CRMP1: variants seen among roughly 807,000 people sequenced by gnomAD.
CRMP1 encodes the protein dihydropyrimidinase-related protein 1.
Under a neutral mutation model 68.3 loss-of-function variants are expected in CRMP1, and 19 were observed. The observed-to-expected ratio is 0.28, with a 90% CI of 0.19 to 0.41. The LOEUF (loss-of-function observed/expected upper bound fraction) is 0.41, where lower values mean the gene tolerates loss of function less well. Ranked by LOEUF, CRMP1 falls within the 10% of genes least tolerant of loss-of-function variation. The pLI is 1.00. For synonymous variants in CRMP1, 439 were observed against 399.6 expected (o/e 1.10, Z -1.18); for missense variants, 791 against 967.4 (o/e 0.82, Z 2.42).
rs930152443 is a variant in CRMP1, at chr4:5,843,784, T to C, written c.964-623A>G. Reference sequence around the variant, plus strand: ...AGCTGAGCGAGCACACGCTCATTAATTGGCAGCCGGCTCTCATACCTACTT... The same window carrying C: ...AGCTGAGCGAGCACACGCTCATTAACTGGCAGCCGGCTCTCATACCTACTT... On this transcript the variant is annotated intron_variant, in intron 6 of 13. Coordinates refer to ENST00000324989, the MANE Select transcript of CRMP1 (RefSeq NM_001014809.3). This position sits in a 1 kb window ranked among gnomAD's most constrained non-coding sequence, Gnocchi z 4.1. Among the ~76,000 whole-genome samples the C allele has an allele frequency of 1.3e-5, 2 of 152,098 alleles. No individual in the cohort carries two copies. The highest frequency in any genetic ancestry group is 6.6e-5 in the Admixed American group (1 of 15,266).
rs928399866 is a variant in CRMP1, at chr4:5,858,744, A to G, written c.655+2282T>C. ...ACATTGCCCATCACCCATATGAGAA[A>G]GAGCCACAGCCTCATCAGGCCATCG... On this transcript the variant is annotated intron_variant, in intron 3 of 13. Coordinates refer to ENST00000324989, the MANE Select transcript of CRMP1 (RefSeq NM_001014809.3). This position sits in a 1 kb window ranked among gnomAD's most constrained non-coding sequence, Gnocchi z 5.5. Among the ~76,000 whole-genome samples the G allele has an allele frequency of 1.3e-5, 2 of 152,142 alleles. No homozygotes were observed. Among genetic ancestry groups the G allele is most frequent in the Non-Finnish European group, 2.9e-5 (2 of 68,030 alleles).
In CRMP1 at chr4:5,843,047, C is replaced by G. The variant is rs778049372; in HGVS notation, c.1032+46G>C. The G allele has an allele frequency of 5.7e-6, 9 of 1,576,426 alleles. No homozygotes were observed. The highest frequency in any genetic ancestry group is 7.0e-6 in the Non-Finnish European group (8 of 1,146,762). Reference sequence around the variant, plus strand: ...AGCTGGAACAGCATCAAGGTGAGTGCTCAGTGGTGAGTGTCAGAGTCATGC... The same window carrying G: ...AGCTGGAACAGCATCAAGGTGAGTGGTCAGTGGTGAGTGTCAGAGTCATGC... On this transcript the variant is annotated intron_variant, in intron 7 of 13. Coordinates refer to ENST00000324989, the MANE Select transcript of CRMP1 (RefSeq NM_001014809.3). This position sits in a 1 kb window ranked among gnomAD's most constrained non-coding sequence, Gnocchi z 4.1.
chr4:5,842,363 A>C lies in CRMP1; in HGVS notation c.1032+730T>G, dbSNP rs1054472614. ...AGAGTCACTTGAACCCAGGAAGCGG[A>C]GGCTGCAGTGAACCGAGATCATACC... On this transcript the variant is annotated intron_variant, in intron 7 of 13. Coordinates refer to ENST00000324989, the MANE Select transcript of CRMP1 (RefSeq NM_001014809.3). The surrounding 1 kb of genome is among the most constrained non-coding windows in gnomAD (Gnocchi z 4.5). Among the ~76,000 whole-genome samples the C allele has an allele frequency of 3.4e-5, 5 of 148,294 alleles. No homozygotes were observed. Among genetic ancestry groups the C allele is most frequent in the Admixed American group, 1.4e-4 (2 of 14,740 alleles).
At chr4:5,862,461 G>A (rs555280427) in intron 2 of CRMP1, among the ~76,000 whole-genome samples, 17 of 152,292 alleles carry the variant, frequency 1.1e-4, no homozygotes, top group Admixed American at 3.9e-4. Flanking sequence ...CTCTCCAAAC[G>A]TGTGGGCTTG....
At chr4:5,833,159 CTTTT>C (rs1160531301) in intron 11 of CRMP1, among the ~76,000 whole-genome samples, 26 of 84,632 alleles carry the variant, frequency 3.1e-4, no homozygotes, top group Non-Finnish European at 5.1e-4. Context: ...CCTTCCAGAA[CTTTT>C]TTTTTTTTTT....
Position 5,872,753 on chromosome 4 carries a change from T to C in CRMP1, c.382-5997A>G, listed in dbSNP as rs1490975641. Among the ~76,000 whole-genome samples the C allele has an allele frequency of 2.0e-5, 3 of 152,200 alleles. No homozygotes were observed. On this transcript the variant is annotated intron_variant, in intron 1 of 13. Coordinates refer to ENST00000324989, the MANE Select transcript of CRMP1 (RefSeq NM_001014809.3). This position sits in a 1 kb window ranked among gnomAD's most constrained non-coding sequence, Gnocchi z 4.6. Reference sequence around the variant, plus strand: ...TCTCATGAAAAACTCAGCCAAAGTCTAACAGCTGAATTGATTAGCTAGGGC... The same window carrying C: ...TCTCATGAAAAACTCAGCCAAAGTCCAACAGCTGAATTGATTAGCTAGGGC...
At chr4:5,839,786 G>A in intron 8 of CRMP1, 108 bp from the exon 9 acceptor site, 3 of 1,281,856 alleles carry the variant, frequency 2.3e-6, no homozygotes, top group Non-Finnish European at 1.1e-6. Flanking sequence ...CTGGCTGAAG[G>A]CCAGAACACT....
At position 5,892,040 on chromosome 4, in the gene CRMP1, C is replaced by T. The variant is rs1309950248; in HGVS notation, c.381+549G>A. Among the ~76,000 whole-genome samples the T allele has an allele frequency of 6.6e-6, 1 of 152,162 alleles. No individual in the cohort carries two copies. The highest frequency in any genetic ancestry group is 1.5e-5 in the Non-Finnish European group (1 of 68,022). On this transcript the variant is annotated intron_variant, in intron 1 of 13. Coordinates refer to ENST00000324989, the MANE Select transcript of CRMP1 (RefSeq NM_001014809.3). This position sits in a 1 kb window ranked among gnomAD's most constrained non-coding sequence, Gnocchi z 8.6. ...AACTAAATCCTTAACCAAATCCTTC[C>T]CCCCAGCAAGCATGAGGGGAGCGCT...
intron 3 of CRMP1, among the ~76,000 whole-genome samples, chr4:5,856,921 C>T (rs550666678): frequency 5.9e-5 from 9 of 151,262 alleles, no homozygotes; most frequent in Non-Finnish European, 8.8e-5. Context: ...ATCACCACCA[C>T]CACCACCATC....
At position 5,838,114 on chromosome 4, in the gene CRMP1, C is replaced by G. The variant is rs1263645133; in HGVS notation, c.1311-1208G>C. Among the ~76,000 whole-genome samples the G allele has an allele frequency of 6.6e-6, 1 of 152,074 alleles. No homozygotes were observed. Among genetic ancestry groups the G allele is most frequent in the Non-Finnish European group, 1.5e-5 (1 of 68,012 alleles). On this transcript the variant is annotated intron_variant, in intron 9 of 13. Coordinates refer to ENST00000324989, the MANE Select transcript of CRMP1 (RefSeq NM_001014809.3). This position sits in a 1 kb window ranked among gnomAD's most constrained non-coding sequence, Gnocchi z 4.9. ...GAAAATTACGTCACTGAGGAGCCTT[C>G]TAGCAAAGATCTGAAGGAAGTCACA...
rs922419999 is a variant in CRMP1, at chr4:5,890,605, C to A, written c.381+1984G>T. Among the ~76,000 whole-genome samples the A allele has an allele frequency of 4.6e-5, 7 of 152,232 alleles. No individual in the cohort carries two copies. The highest frequency in any genetic ancestry group is 7.3e-5 in the Non-Finnish European group (5 of 68,034). On this transcript the variant is annotated intron_variant, in intron 1 of 13. Coordinates refer to ENST00000324989, the MANE Select transcript of CRMP1 (RefSeq NM_001014809.3). This position sits in a 1 kb window ranked among gnomAD's most constrained non-coding sequence, Gnocchi z 5.5. ...TCGCGAAGCTCGAGTGCTTTCGGAG[C>A]CCCGGGAGCGCCAGAGGCGCTGCCT...
At chr4:5,851,977 GGAGGAA>G (rs1016782808) in intron 4 of CRMP1, among the ~76,000 whole-genome samples, 3 of 150,026 alleles carry the variant, frequency 2.0e-5, no homozygotes, top group Non-Finnish European at 4.5e-5. Flanking sequence ...AGGAAGAGGA[GGAGGAA>G]GAGGAAGAGG....
intron 6 of CRMP1, among the ~76,000 whole-genome samples, chr4:5,847,635 G>A (rs1448917264): frequency 2.0e-5 from 3 of 152,190 alleles, no homozygotes; most frequent in Non-Finnish European, 4.4e-5. Flanking sequence ...CAGATAAGAA[G>A]AAGTGAAGTC....
chr4:5,852,862 A>G (rs536228901), intron 4 of CRMP1, among the ~76,000 whole-genome samples: 3 of 152,282 alleles, frequency 2.0e-5, no homozygotes, highest in African/African-American at 7.2e-5. Flanking sequence ...AGTACAGCTC[A>G]GCACGAACAG....
At chr4:5,824,046 G>C (rs1424233050) in intron 13 of CRMP1, among the ~76,000 whole-genome samples, 1 of 152,210 alleles carries the variant, frequency 6.6e-6, no homozygotes, top group Admixed American at 6.5e-5. Flanking sequence ...GAAACTGAGA[G>C]AACAAGGGTG....
intron 12 of CRMP1, among the ~76,000 whole-genome samples, chr4:5,827,732 TGC>T (rs1491322010): frequency 8.9e-6 from 1 of 111,876 alleles, no homozygotes; most frequent in Non-Finnish European, 1.6e-5. Flanking sequence ...CATGTGCGCG[TGC>T]ACACACACAC....
chr4:5,892,731 C>T lies in CRMP1; in HGVS notation c.239G>A (p.Gly80Asp). Residue 80 changes from glycine (G) to aspartate (D), a missense_variant, in exon 1 of 14, where the codon GGC becomes GAC. By Grantham distance (94) the Gly-to-Asp change is moderately conservative (BLOSUM62 -1). Around this residue, in one of 3 missense-constraint regions of CRMP1, gnomAD observed 193 missense variants for 186.3 expected, o/e 1.04. Transcript: ENST00000324989. The surrounding 1 kb of genome is among the most constrained non-coding windows in gnomAD (Gnocchi z 8.6). The part of the protein sequence containing the change: ...PDAVGLPGPG[G>D]SEDTASDVSE... ...CACGTCGCTGGCCGTGTCCTCGCTG[C>T]CTCCCGGCCCTGGCAGCCCGACCGC... 1 of 1,225,428 alleles carries T rather than the reference C, an allele frequency of 8.2e-7. No homozygotes were observed. The highest frequency in any genetic ancestry group is 1.0e-6 in the Non-Finnish European group (1 of 984,046). The allele number at this position is 1,225,428 out of a possible 1,614,324, so 75.9% of individuals were successfully genotyped here.
intron 1 of CRMP1, among the ~76,000 whole-genome samples, chr4:5,869,590 AG>A (rs1203644781): frequency 2.6e-5 from 4 of 151,262 alleles, no homozygotes; most frequent in Non-Finnish European, 4.4e-5. Flanking sequence ...AGGCTGAGGC[AG>A]GAGAATGTCA....
intron 6 of CRMP1, 144 bp downstream of exon 6, chr4:5,849,248 A>G: frequency 1.5e-6 from 1 of 649,440 alleles, no homozygotes. Context: ...TTTCATTCAT[A>G]TCTGATGTGT....
Sources: gnomAD v4.1 joint callset for allele counts (sites outside exome capture counted in the v4.1 genomes callset) on GRCh38, gnomAD v4.1.1 for gene constraint, gnomAD v4.1.1 regional missense constraint, Gnocchi (gnomAD v3.1) non-coding constraint, MANE v1.5 for transcripts, NCBI Gene and HGNC (gene_info 2026-07-23, HGNC 2026-07-21) for gene names.